The following ANKRD12 variants were observed in gnomAD, a reference collection of about 807,000 sequenced individuals.
The protein encoded by ANKRD12 is ankyrin repeat domain 12.
A neutral mutation model predicts 183.4 loss-of-function variants in ANKRD12; 85 were observed. That is an observed-to-expected ratio of 0.46 (90% CI 0.39 to 0.56). ANKRD12 has a LOEUF of 0.56. Among genes scored for constraint, ANKRD12 ranks in the 20% least tolerant of loss-of-function variants. The pLI, the probability that ANKRD12 is intolerant of heterozygous loss-of-function variation, is 0.00. For synonymous variants in ANKRD12, 914 were observed against 800.2 expected (o/e 1.14, Z -2.40); for missense variants, 2,405 against 2,357.1 (o/e 1.02, Z -0.42).
At chr18:9,144,067 A>T (rs2078412449) in intron 1 of ANKRD12, among the ~76,000 whole-genome samples, 1 of 152,192 alleles carries the variant, frequency 6.6e-6, no homozygotes, top group African/African-American at 2.4e-5. Flanking sequence ...ACATTAGCTA[A>T]TGCATGAGGA....
chr18:9,280,914 A>G, intron 12 of ANKRD12, 27 bp from the exon 13 acceptor site: 1 of 1,589,046 alleles, frequency 6.3e-7, no homozygotes, highest in Non-Finnish European at 8.5e-7. Context: ...CAGAATAATC[A>G]AGTAACTCTT....
chr18:9,239,627 T>C (rs1310876218), intron 8 of ANKRD12: 1 of 658,334 alleles, frequency 1.5e-6, no homozygotes, highest in Non-Finnish European at 2.3e-6. Flanking sequence ...TATTACTTAA[T>C]TTACATGAGG....
At chr18:9,152,768 T>A (rs1403667951) in intron 1 of ANKRD12, among the ~76,000 whole-genome samples, 3 of 152,130 alleles carry the variant, frequency 2.0e-5, no homozygotes, top group East Asian at 1.9e-4. Flanking sequence ...TACAGTTTTT[T>A]AATTTTAATG....
chr18:9,139,018 A>G (rs898052755), intron 1 of ANKRD12, among the ~76,000 whole-genome samples: 1 of 152,228 alleles, frequency 6.6e-6, no homozygotes, highest in Non-Finnish European at 1.5e-5. Flanking sequence ...TTAATCTTGT[A>G]TAGTTTTCAT....
intron 1 of ANKRD12, among the ~76,000 whole-genome samples, chr18:9,140,564 A>G (rs574013623): frequency 1.5e-4 from 23 of 152,338 alleles, no homozygotes; most frequent in African/African-American, 5.3e-4. Context: ...AGTGAAAGTA[A>G]TCTTAGTAGC....
intron 8 of ANKRD12, 105 bp downstream of exon 8, chr18:9,222,104 A>G: frequency 7.3e-7 from 1 of 1,367,486 alleles, no homozygotes; most frequent in Non-Finnish European, 1.0e-6. Flanking sequence ...CTTTAGAATA[A>G]TGCTGGCTAG....
chr18:9,179,212 TG>T (rs1311835065), intron 1 of ANKRD12, among the ~76,000 whole-genome samples: 1 of 152,222 alleles, frequency 6.6e-6, no homozygotes, highest in Admixed American at 6.5e-5. Flanking sequence ...TCATGGTATC[TG>T]GAAATAAGGC....
intron 8 of ANKRD12, among the ~76,000 whole-genome samples, chr18:9,236,978 A>C (rs1213078864): frequency 6.6e-6 from 1 of 152,222 alleles, no homozygotes; most frequent in African/African-American, 2.4e-5. Context: ...CCTGGCTGAG[A>C]TACTACTCAC....
chr18:9,240,852 A>T (rs1207956775), intron 8 of ANKRD12, among the ~76,000 whole-genome samples: 1 of 152,194 alleles, frequency 6.6e-6, no homozygotes, highest in Admixed American at 6.5e-5. Context: ...TCTGTGTCAT[A>T]AAATAAACAA....
In ANKRD12 at chr18:9,257,669, C is replaced by G. The variant is rs1244901466; in HGVS notation, c.4402C>G (p.Leu1468Val). The G allele has an allele frequency of 1.9e-6, 3 of 1,613,896 alleles. No homozygotes were observed. In the East Asian group the frequency reaches 6.7e-5, roughly 36 times the overall value. The change falls in exon 9 of 13, where the codon CTG becomes GTG. Residue 1468 changes from leucine (L) to valine (V), a missense_variant. Physicochemically the swap from Leu to Val is conservative, Grantham distance 32 (BLOSUM62 1). Around this residue, in one of 7 missense-constraint regions of ANKRD12, gnomAD observed 1,983 missense variants for 1,725.9 expected, o/e 1.15. Transcript: ENST00000262126. ...VLKENADFLS[L>V]RQTELPGNSC... ...GAAAGAAAATGCTGATTTTTTATCC[C>G]TGCGCCAGACTGAACTGCCAGGAAA...
At position 9,279,275 on chromosome 18, in the gene ANKRD12, A is replaced by G. The variant is rs142135069; in HGVS notation, c.5908-274A>G. Among the ~76,000 whole-genome samples, 963 of 152,340 alleles carry G rather than the reference A, an allele frequency of 6.3e-3. 7 individuals are homozygous for G. Among genetic ancestry groups the G allele is most frequent in the Middle Eastern group, 0.017 (5 of 294 alleles). On this transcript the variant is annotated intron_variant, in intron 11 of 12. Transcript: ENST00000262126. ...TGTCACGGGCACAGTACTTAATGTA[A>G]CATGCCTTTTTGAGAAATGTCTTTG...
In ANKRD12 at chr18:9,282,023, A is replaced by G. The variant is rs917576245; in HGVS notation, c.*897A>G. The G allele has an allele frequency of 3.3e-5, 5 of 152,638 alleles. No homozygotes were observed. The highest frequency in any genetic ancestry group is 1.2e-4 in the African/African-American group (5 of 41,454). 9.5% of individuals were successfully genotyped at this position (152,638 alleles called of 1,614,324 possible). Reference sequence around the variant, plus strand: ...CATATTATTTAGACTTAGTCATACAAAGAAACTTAGCTCTTTTTTCATCTC... The same window carrying G: ...CATATTATTTAGACTTAGTCATACAGAGAAACTTAGCTCTTTTTTCATCTC... On this transcript the variant is annotated 3_prime_UTR_variant, in exon 13 of 13. Coordinates refer to ENST00000262126, the MANE Select transcript of ANKRD12 (RefSeq NM_015208.5).
intron 7 of ANKRD12, among the ~76,000 whole-genome samples, chr18:9,220,500 A>G (rs150453759): frequency 6.6e-6 from 1 of 152,328 alleles, no homozygotes; most frequent in Non-Finnish European, 1.5e-5. Flanking sequence ...GTGTGAGTGA[A>G]AAAGAATTAA....
chr18:9,147,010 T>A (rs1273911630), intron 1 of ANKRD12, among the ~76,000 whole-genome samples: 6 of 152,234 alleles, frequency 3.9e-5, no homozygotes, highest in South Asian at 2.1e-4. Flanking sequence ...GGAAATGATG[T>A]TGTATGTAAG....
At chr18:9,184,787 C>T (rs182797091) in intron 2 of ANKRD12, among the ~76,000 whole-genome samples, 24 of 152,236 alleles carry the variant, frequency 1.6e-4, no homozygotes, top group Non-Finnish European at 1.5e-5. Flanking sequence ...CAACCACAAT[C>T]AATTTTAGAA....
At chr18:9,234,287 G>A (rs1388522382) in intron 8 of ANKRD12, among the ~76,000 whole-genome samples, 1 of 152,140 alleles carries the variant, frequency 6.6e-6, no homozygotes, top group Non-Finnish European at 1.5e-5. Context: ...GCGGCAGAAG[G>A]GATCCCACTC....
chr18:9,176,289 G>T (rs1011901153), intron 1 of ANKRD12, among the ~76,000 whole-genome samples: 4 of 150,964 alleles, frequency 2.6e-5, no homozygotes, highest in East Asian at 1.9e-4. Flanking sequence ...TTTTTTTTGA[G>T]ACTGGGTCTG....
At chr18:9,278,666 G>C (rs775082818) in intron 11 of ANKRD12, among the ~76,000 whole-genome samples, 23 of 152,078 alleles carry the variant, frequency 1.5e-4, no homozygotes, top group African/African-American at 5.6e-4. Context: ...GTGTGGTGGC[G>C]GGTGCCTGTA....
At position 9,141,144 on chromosome 18, in the gene ANKRD12, A is replaced by G. The variant is rs534020697; in HGVS notation, c.-52+4179A>G. ...ACCTTCTGGGTGGTCAAAAAAGAAA[A>G]GAAGTACCTTATGGGAATCATAGAA... is the stretch of plus-strand genomic sequence containing the variant. On this transcript the variant is annotated intron_variant, in intron 1 of 12. Transcript: ENST00000262126. Among the ~76,000 whole-genome samples, 13 of 152,216 alleles carry G rather than the reference A, an allele frequency of 8.5e-5. No homozygotes were observed. The South Asian group carries it at 1.0e-3, about 12-fold the overall frequency.
Sources: gnomAD v4.1 joint callset for allele counts (sites outside exome capture counted in the v4.1 genomes callset) on GRCh38, gnomAD v4.1.1 for gene constraint, gnomAD v4.1.1 regional missense constraint, MANE v1.5 for transcripts, NCBI Gene and HGNC (gene_info 2026-07-23, HGNC 2026-07-21) for gene names.